Variants in CNTNAP4 observed in about 807,000 individuals in gnomAD.
CNTNAP4 encodes contactin associated protein family member 4.
Under a neutral mutation model 148.4 loss-of-function variants are expected in CNTNAP4, and 98 were observed. That is an observed-to-expected ratio of 0.66 (90% CI 0.56 to 0.78). CNTNAP4 has a LOEUF of 0.78. Among genes scored for constraint, CNTNAP4 ranks in the 30% least tolerant of loss-of-function variants. The pLI is 0.00. For synonymous variants in CNTNAP4, 730 were observed against 565.1 expected, an observed-to-expected ratio of 1.29 and a Z score of -4.14; for missense variants, 1,935 against 1,565.6, an observed-to-expected ratio of 1.24 and a Z score of -3.98.
chr16:76,333,644 C>CT (rs1963741401), intron 2 of CNTNAP4, among the ~76,000 whole-genome samples: 2 of 151,944 alleles, frequency 1.3e-5, no homozygotes, highest in Non-Finnish European at 2.9e-5. Flanking sequence ...CTCTACATTC[C>CT]TTTTTTTGCA....
At chr16:76,356,904 T>C (rs1238082164) in intron 3 of CNTNAP4, among the ~76,000 whole-genome samples, 4 of 152,118 alleles carry the variant, frequency 2.6e-5, no homozygotes, top group East Asian at 3.9e-4. Context: ...TTGATGTAAA[T>C]TGAATTGAGA....
chr16:76,485,345 G>A (rs1021985292), intron 12 of CNTNAP4, among the ~76,000 whole-genome samples: 22 of 151,902 alleles, frequency 1.4e-4, no homozygotes, highest in African/African-American at 5.1e-4. Context: ...TCGAACTCCC[G>A]ACCTTAGGTG....
intron 12 of CNTNAP4, among the ~76,000 whole-genome samples, chr16:76,485,926 C>T (rs926691441): frequency 6.6e-6 from 1 of 152,194 alleles, no homozygotes; most frequent in African/African-American, 2.4e-5. Context: ...GCACTTCCTA[C>T]CTGCTCTTAG....
At chr16:76,549,714 T>C (rs539350486) in intron 21 of CNTNAP4, among the ~76,000 whole-genome samples, 33 of 152,272 alleles carry the variant, frequency 2.2e-4, no homozygotes, top group Non-Finnish European at 4.3e-4. Flanking sequence ...ATGATCTTTT[T>C]TGCTACTTGA....
chr16:76,540,759 A>C lies in CNTNAP4; in HGVS notation c.3411A>C (p.Ala1137=). Reference sequence around the variant, plus strand: ...TGTCATCAGGCACAGAATTCAGTGCAGTCAAATCTCTGGTATTGGGCAGGA... The same window carrying C: ...TGTCATCAGGCACAGAATTCAGTGCCGTCAAATCTCTGGTATTGGGCAGGA... ...VHLSSGTEFS[A]VKSLVLGRIL... Residue 1137 remains alanine (A), a synonymous_variant, in exon 21 of 24, where the codon GCA becomes GCC. Transcript: ENST00000611870. 1 of 1,576,478 alleles carries C rather than the reference A, an allele frequency of 6.3e-7. No homozygotes were observed. Among genetic ancestry groups the C allele is most frequent in the Non-Finnish European group, 8.6e-7 (1 of 1,159,118 alleles).
At chr16:76,463,957 C>A (rs766995583) in intron 9 of CNTNAP4, among the ~76,000 whole-genome samples, 2 of 152,152 alleles carry the variant, frequency 1.3e-5, no homozygotes. Context: ...TTTATTCAAT[C>A]ATTTTTTCAA....
In CNTNAP4 at chr16:76,479,536, C is replaced by T; in HGVS notation, c.1880C>T (p.Thr627Ile). The change falls in exon 12 of 24, where the codon ACC becomes ATC. Residue 627 changes from threonine (T) to isoleucine (I), a missense_variant and splice_region_variant. Transcript: ENST00000611870. ...CCATTTCTTCTATATTGCAATATGA[C>T]CGGTGAGTTAATCAGCTTTTATTTT... ...LEPFLLYCNM[T>I]ETAWTIIQHN... 1 of 1,602,984 alleles carries T rather than the reference C, an allele frequency of 6.2e-7. No individual in the cohort carries two copies. Among genetic ancestry groups the T allele is most frequent in the African/African-American group, 1.3e-5 (1 of 74,430 alleles).
chr16:76,385,279 G>C (rs908514859), intron 3 of CNTNAP4, among the ~76,000 whole-genome samples: 1 of 152,126 alleles, frequency 6.6e-6, no homozygotes, highest in Non-Finnish European at 1.5e-5. Flanking sequence ...CATGGACAAT[G>C]AATTATCAAA....
At chr16:76,339,546 C>G (rs1264602375) in intron 2 of CNTNAP4, among the ~76,000 whole-genome samples, 1 of 152,126 alleles carries the variant, frequency 6.6e-6, no homozygotes, top group African/African-American at 2.4e-5. Context: ...TTAATCAAAA[C>G]TATTTCTTAG....
chr16:76,458,993 A>G (rs1156962810), intron 8 of CNTNAP4, among the ~76,000 whole-genome samples: 1 of 152,060 alleles, frequency 6.6e-6, no homozygotes, highest in Non-Finnish European at 1.5e-5. Flanking sequence ...TTTTCATCAT[A>G]TTTTATAAAA....
At chr16:76,515,694 T>C (rs2083219337) in intron 15 of CNTNAP4, among the ~76,000 whole-genome samples, 1 of 152,062 alleles carries the variant, frequency 6.6e-6, no homozygotes, top group Non-Finnish European at 1.5e-5. Flanking sequence ...GGTATACAGA[T>C]GGCAAGAAAG....
intron 3 of CNTNAP4, among the ~76,000 whole-genome samples, chr16:76,373,079 G>T (rs923534288): frequency 6.6e-6 from 1 of 151,910 alleles, no homozygotes. Context: ...GACTATGAGG[G>T]TGTACATCTG....
At chr16:76,347,998 G>A (rs915629583) in intron 2 of CNTNAP4, among the ~76,000 whole-genome samples, 1 of 152,184 alleles carries the variant, frequency 6.6e-6, no homozygotes, top group African/African-American at 2.4e-5. Flanking sequence ...ATCTCAGTGG[G>A]CACAGGAAGA....
At chr16:76,421,963 A>G (rs1278186311) in intron 3 of CNTNAP4, among the ~76,000 whole-genome samples, 9 of 152,192 alleles carry the variant, frequency 5.9e-5, no homozygotes, top group African/African-American at 4.8e-5. Flanking sequence ...ACAAATTGCC[A>G]TATGGGCATC....
chr16:76,389,352 T>A (rs1334549822), intron 3 of CNTNAP4, among the ~76,000 whole-genome samples: 1 of 152,204 alleles, frequency 6.6e-6, no homozygotes, highest in Non-Finnish European at 1.5e-5. Context: ...CAAATCAATG[T>A]CATGGAATTC....
intron 15 of CNTNAP4, among the ~76,000 whole-genome samples, chr16:76,520,279 A>G (rs2083405443): frequency 1.3e-5 from 2 of 152,138 alleles, no homozygotes; most frequent in Admixed American, 1.3e-4. Flanking sequence ...TTGATTTTCC[A>G]TAGTTTTTGC....
chr16:76,413,126 T>C (rs977948543), intron 3 of CNTNAP4, among the ~76,000 whole-genome samples: 9 of 151,426 alleles, frequency 5.9e-5, no homozygotes, highest in African/African-American at 1.7e-4. Flanking sequence ...AGTATACTTT[T>C]TAAGTTACTT....
intron 1 of CNTNAP4, among the ~76,000 whole-genome samples, chr16:76,312,135 A>G (rs748639331): frequency 6.6e-6 from 1 of 152,148 alleles, no homozygotes; most frequent in African/African-American, 2.4e-5. Flanking sequence ...TTGTTTCTCA[A>G]CCTTGGCACT....
chr16:76,558,428 G>A, intron 23 of CNTNAP4, 62 bp from the exon 24 acceptor site: 2 of 901,796 alleles, frequency 2.2e-6, no homozygotes, highest in Non-Finnish European at 3.5e-6. Flanking sequence ...ATTAAGCAAT[G>A]AAGTCAGCAC....
Sources: gnomAD v4.1 joint callset for allele counts (sites outside exome capture counted in the v4.1 genomes callset) on GRCh38, gnomAD v4.1.1 for gene constraint, MANE v1.5 for transcripts, NCBI Gene and HGNC (gene_info 2026-07-23, HGNC 2026-07-21) for gene names.